The following CCSER1 variants were observed in gnomAD, a reference collection of about 807,000 sequenced individuals.
CCSER1 encodes the protein coiled-coil serine rich protein 1.
In CCSER1, 41 loss-of-function variants were observed where a neutral mutation model predicts 82.0. That is an observed-to-expected ratio of 0.50 (90% CI 0.39 to 0.65). The LOEUF is 0.65. Among genes scored for constraint, CCSER1 ranks in the 30% least tolerant of loss-of-function variants. CCSER1 has a pLI of 0.00. For synonymous variants in CCSER1, 414 were observed against 383.9 expected (o/e 1.08, Z -0.92); for missense variants, 1,119 against 1,064.2 (o/e 1.05, Z -0.72).
At chr4:91,184,235 G>A (rs1224161667) in intron 10 of CCSER1, among the ~76,000 whole-genome samples, 1 of 152,226 alleles carries the variant, frequency 6.6e-6, no homozygotes, top group Non-Finnish European at 1.5e-5. Context: ...ACATACGACT[G>A]GCAAATTGTG....
At chr4:90,432,418 C>T (rs979651472) in intron 4 of CCSER1, among the ~76,000 whole-genome samples, 2 of 152,194 alleles carry the variant, frequency 1.3e-5, no homozygotes, top group Admixed American at 6.5e-5. Context: ...ACTTTGTGAA[C>T]ATAACTAGTT....
At position 91,274,653 on chromosome 4, in the gene CCSER1, A is replaced by G. The variant is rs74823171; in HGVS notation, c.2217+188659A>G. Among the ~76,000 whole-genome samples the G allele has an allele frequency of 7.1e-3, 1,076 of 152,248 alleles. 12 individuals are homozygous for G. The highest frequency in any genetic ancestry group is 0.025 in the African/African-American group (1,039 of 41,528). Reference sequence around the variant, plus strand: ...GTTCATCCATCTTGCTGCAAATGACATGAGTTATTCTTTTTTATGGCCAAA... The same window carrying G: ...GTTCATCCATCTTGCTGCAAATGACGTGAGTTATTCTTTTTTATGGCCAAA... On this transcript the variant is annotated intron_variant, in intron 10 of 10. Coordinates refer to ENST00000509176, the MANE Select transcript of CCSER1 (RefSeq NM_001145065.2).
Position 90,161,991 on chromosome 4 carries a change from A to G in CCSER1, c.-42+34160A>G, listed in dbSNP as rs544309563. ...ATGTTGCATTGGAAAGTAAGGCTCT[A>G]TCTGTGTCCATATCAAGTCTATTCT... On this transcript the variant is annotated intron_variant, in intron 1 of 10. Coordinates refer to ENST00000509176, the MANE Select transcript of CCSER1 (RefSeq NM_001145065.2). Among the ~76,000 whole-genome samples, 4 of 152,212 alleles carry G rather than the reference A, an allele frequency of 2.6e-5. No individual in the cohort carries two copies. The East Asian group carries it at 7.7e-4, about 29-fold the overall frequency.
At chr4:90,188,216 A>G (rs925623578) in intron 1 of CCSER1, among the ~76,000 whole-genome samples, 3 of 151,878 alleles carry the variant, frequency 2.0e-5, no homozygotes, top group Non-Finnish European at 2.9e-5. Context: ...GCACTAATGT[A>G]TATTCCTCTA....
chr4:90,443,052 A>G (rs969887267), intron 4 of CCSER1, among the ~76,000 whole-genome samples: 4 of 152,174 alleles, frequency 2.6e-5, no homozygotes, highest in African/African-American at 9.7e-5. Context: ...ATCCATGTCT[A>G]TGATAATGTT....
At chr4:91,053,949 A>C (rs1468278872) in intron 9 of CCSER1, among the ~76,000 whole-genome samples, 1 of 152,228 alleles carries the variant, frequency 6.6e-6, no homozygotes, top group Non-Finnish European at 1.5e-5. Context: ...ATGGAGGGAC[A>C]TGTGGATCAG....
intron 10 of CCSER1, among the ~76,000 whole-genome samples, chr4:91,168,079 G>A (rs1391634447): frequency 2.1e-5 from 3 of 143,352 alleles, no homozygotes; most frequent in South Asian, 4.5e-4. Context: ...CTGGGAGGAA[G>A]TGAGGAGCGC....
chr4:91,568,247 A>T (rs1295904372), intron 10 of CCSER1, among the ~76,000 whole-genome samples: 2 of 151,820 alleles, frequency 1.3e-5, no homozygotes, highest in Non-Finnish European at 2.9e-5. Flanking sequence ...TTTGTAGGTG[A>T]CCTGCCCTTT....
intron 9 of CCSER1, among the ~76,000 whole-genome samples, chr4:91,082,725 A>G (rs920812663): frequency 3.9e-5 from 6 of 152,034 alleles, no homozygotes; most frequent in African/African-American, 1.4e-4. Flanking sequence ...AAAAAATCAA[A>G]CAACCCCATC....
At chr4:91,482,110 G>C (rs1256859203) in intron 10 of CCSER1, among the ~76,000 whole-genome samples, 1 of 152,060 alleles carries the variant, frequency 6.6e-6, no homozygotes, top group Admixed American at 6.6e-5. Context: ...TCATTAAAAA[G>C]TCAGGAAACG....
At chr4:91,559,346 G>A (rs552264556) in intron 10 of CCSER1, among the ~76,000 whole-genome samples, 36 of 151,670 alleles carry the variant, frequency 2.4e-4, no homozygotes, top group South Asian at 1.5e-3. Flanking sequence ...AAATCAAAGC[G>A]TGTATAATTG....
chr4:90,767,262 C>A (rs1188680490), intron 7 of CCSER1, among the ~76,000 whole-genome samples: 1 of 151,960 alleles, frequency 6.6e-6, no homozygotes, highest in Non-Finnish European at 1.5e-5. Context: ...AGCAGTAGTG[C>A]AACCATTCAC....
chr4:90,231,995 A>C (rs1380579480), intron 1 of CCSER1, among the ~76,000 whole-genome samples: 1 of 151,994 alleles, frequency 6.6e-6, no homozygotes, highest in Non-Finnish European at 1.5e-5. Context: ...ATGGAAGAAC[A>C]TTCCATGCTC....
intron 1 of CCSER1, among the ~76,000 whole-genome samples, chr4:90,288,462 C>T (rs1048072306): frequency 2.6e-4 from 39 of 151,838 alleles, no homozygotes; most frequent in African/African-American, 8.0e-4. Flanking sequence ...ATCTAATATG[C>T]TTATTTGTTT....
intron 5 of CCSER1, among the ~76,000 whole-genome samples, chr4:90,527,409 C>T (rs906385488): frequency 6.6e-6 from 1 of 152,060 alleles, no homozygotes; most frequent in Non-Finnish European, 1.5e-5. Context: ...CATCTCATGC[C>T]AGTTAGAATA....
chr4:91,417,022 A>C (rs1189259017), intron 10 of CCSER1, among the ~76,000 whole-genome samples: 1 of 152,142 alleles, frequency 6.6e-6, no homozygotes, highest in Non-Finnish European at 1.5e-5. Context: ...AAAACTGAAC[A>C]ACCCCATTAA....
At chr4:90,192,007 A>G (rs1434307581) in intron 1 of CCSER1, among the ~76,000 whole-genome samples, 1 of 152,098 alleles carries the variant, frequency 6.6e-6, no homozygotes, top group African/African-American at 2.4e-5. Context: ...CAAAGGCATA[A>G]AAATTACAGA....
At chr4:90,291,855 C>T (rs892637137) in intron 1 of CCSER1, among the ~76,000 whole-genome samples, 1 of 151,806 alleles carries the variant, frequency 6.6e-6, no homozygotes, top group Non-Finnish European at 1.5e-5. Flanking sequence ...CAATTTAAAA[C>T]TTATTTCTCC....
intron 10 of CCSER1, among the ~76,000 whole-genome samples, chr4:91,567,139 C>T (rs1476344086): frequency 2.0e-5 from 3 of 152,118 alleles, no homozygotes; most frequent in Admixed American, 1.3e-4. Context: ...TCATTAGTTA[C>T]CCAAAAGTCA....
Sources: allele counts gnomAD v4.1 joint callset (sites outside exome capture counted in the v4.1 genomes callset), GRCh38; gene constraint gnomAD v4.1.1; transcripts MANE v1.5; gene names NCBI Gene and HGNC (gene_info 2026-07-23, HGNC 2026-07-21).